Variants in SLC22A4 observed in about 807,000 individuals in gnomAD.
The protein encoded by SLC22A4 is solute carrier family 22 member 4, also known as ET transporter.
SLC22A4 carries 39 observed loss-of-function variants against 56.6 expected under a neutral mutation model. The ratio of observed to expected loss-of-function variants is 0.69; its 90% CI spans 0.53 to 0.90. The LOEUF (loss-of-function observed/expected upper bound fraction) is 0.90. SLC22A4 is among the 40% of genes least tolerant of loss of function. SLC22A4 has a pLI of 0.00. For missense variants in SLC22A4, 594 were observed against 696.5 expected (o/e 0.85, Z 1.66); for synonymous variants, 241 against 281.4 (o/e 0.86, Z 1.44).
intron 3 of SLC22A4, among the ~76,000 whole-genome samples, chr5:132,315,778 G>A (rs1376379073): frequency 1.3e-5 from 2 of 152,224 alleles, no homozygotes; most frequent in African/African-American, 4.8e-5. Flanking sequence ...CTGTTATAGG[G>A]TGCTCTGGGA....
intron 1 of SLC22A4, among the ~76,000 whole-genome samples, chr5:132,307,921 G>C (rs149519257): frequency 7.2e-5 from 11 of 152,284 alleles, no homozygotes; most frequent in African/African-American, 2.6e-4. Context: ...TCAAGGCTGA[G>C]GGTGATTTTC....
At chr5:132,309,225 C>T (rs1242944800) in intron 1 of SLC22A4, among the ~76,000 whole-genome samples, 1 of 152,242 alleles carries the variant, frequency 6.6e-6, no homozygotes, top group Non-Finnish European at 1.5e-5. Context: ...ATCTGCCAAT[C>T]CTGTGTCCTA....
intron 5 of SLC22A4, among the ~76,000 whole-genome samples, chr5:132,329,519 G>A (rs768333317): frequency 1.3e-5 from 2 of 151,464 alleles, no homozygotes; most frequent in South Asian, 4.2e-4. Flanking sequence ...GCGAAGTTAA[G>A]TAACTTGCCC....
Position 132,313,753 on chromosome 5 carries a change from G to A in SLC22A4, c.637G>A (p.Val213Ile). Residue 213 changes from valine to isoleucine, a missense_variant, in exon 3 of 10, where the codon GTA becomes ATA. Transcript: ENST00000200652. ...VGMGQISNYV[V>I]AFILGTEILG... Reference sequence around the variant, plus strand: ...CATGGGCCAGATCTCCAACTATGTGGTAGCCTTCATACTAGGTAGGAATGG... The same window carrying A: ...CATGGGCCAGATCTCCAACTATGTGATAGCCTTCATACTAGGTAGGAATGG... 1.2e-6 allele frequency: 2 copies of A among 1,614,212 alleles called. No homozygotes were observed. Among genetic ancestry groups the A allele is most frequent in the South Asian group, 1.1e-5 (1 of 91,090 alleles).
chr5:132,334,933 G>A lies in SLC22A4; in HGVS notation c.1261+1G>A. On this transcript the variant is annotated splice_donor_variant, in intron 7 of 9. Transcript: ENST00000200652. LOFTEE classifies it high-confidence loss of function. ...CTCTTCATTCAACTGGTACCTGTGGGTAAGAAGTTAACCAAGATGAACAGC... is the reference window on the plus strand; with the variant it reads ...CTCTTCATTCAACTGGTACCTGTGGATAAGAAGTTAACCAAGATGAACAGC... 6.2e-7 allele frequency: 1 copy of A among 1,605,464 alleles called. No homozygotes were observed.
intron 5 of SLC22A4, among the ~76,000 whole-genome samples, chr5:132,328,926 TATATACAC>T (rs1479462146): frequency 2.3e-4 from 5 of 22,124 alleles, no homozygotes; most frequent in East Asian, 1.4e-3. Context: ...TATATATATA[TATATACAC>T]ACACACACTT....
intron 8 of SLC22A4, among the ~76,000 whole-genome samples, chr5:132,337,565 C>T (rs933438147): frequency 2.8e-5 from 3 of 105,982 alleles, no homozygotes; most frequent in Non-Finnish European, 4.1e-5. Flanking sequence ...GTTTGAGCCA[C>T]AGCACCTGGC....
intron 1 of SLC22A4, among the ~76,000 whole-genome samples, chr5:132,302,451 G>T (rs998959817): frequency 6.6e-6 from 1 of 152,102 alleles, no homozygotes; most frequent in East Asian, 1.9e-4. Flanking sequence ...CTGTGTTGTG[G>T]TTTTATGCAT....
At chr5:132,334,630 A>G in intron 6 of SLC22A4, 88 bp from the exon 7 acceptor site, 1 of 905,048 alleles carries the variant, frequency 1.1e-6, no homozygotes, top group South Asian at 1.3e-5. Context: ...TACTTATAAG[A>G]CAGCAAGATA....
At chr5:132,333,394 A>G (rs1201854213) in intron 6 of SLC22A4, among the ~76,000 whole-genome samples, 2 of 152,242 alleles carry the variant, frequency 1.3e-5, no homozygotes, top group Admixed American at 1.3e-4. Flanking sequence ...AGGCACTTCT[A>G]AAAGGCAGGG....
At chr5:132,319,131 G>A (rs780701021) in intron 3 of SLC22A4, among the ~76,000 whole-genome samples, 18 of 151,850 alleles carry the variant, frequency 1.2e-4, no homozygotes, top group African/African-American at 3.6e-4. Flanking sequence ...GCAAAACCCC[G>A]TCTCTACTAA....
intron 1 of SLC22A4, chr5:132,295,260 G>A (rs151142571): frequency 1.4e-6 from 1 of 705,700 alleles, no homozygotes; most frequent in Admixed American, 2.0e-5. Context: ...TTTCATTTCC[G>A]ATTTTCACAA....
rs1242123286 is a variant in SLC22A4 at position 132,294,599 on chromosome 5, G to C, written c.-18G>C. 1 of 1,614,120 alleles carries C rather than the reference G, an allele frequency of 6.2e-7. No homozygotes were observed. Among genetic ancestry groups the C allele is most frequent in the Non-Finnish European group, 8.5e-7 (1 of 1,180,032 alleles). The stretch of plus-strand genomic sequence containing the variant: ...GTCATCACCCGTAGTTGCAAGTTTC[G>C]GAGCGGCAGTGGGAAGCATGCGGGA... On this transcript the variant is annotated 5_prime_UTR_variant, in exon 1 of 10. Transcript: ENST00000200652. This position sits in a 1 kb window ranked among gnomAD's most constrained non-coding sequence, Gnocchi z 5.6.
At chr5:132,322,073 T>C (rs1750557155) in intron 3 of SLC22A4, 111 bp from the exon 4 acceptor site, 1 of 1,024,914 alleles carries the variant, frequency 9.8e-7, no homozygotes, top group Non-Finnish European at 1.5e-6. Flanking sequence ...GGCAAATGCC[T>C]TTCCCCTTTT....
intron 8 of SLC22A4, among the ~76,000 whole-genome samples, chr5:132,340,061 TTG>T (rs1352554978): frequency 8.8e-6 from 1 of 113,090 alleles, no homozygotes; most frequent in African/African-American, 3.9e-5. Flanking sequence ...TAATACTTAG[TTG>T]TTTTTTTTTT....
Position 132,335,991 on chromosome 5 carries a change from G to C in SLC22A4, c.1435G>C (p.Val479Leu). The C allele has an allele frequency of 6.2e-7, 1 of 1,613,940 alleles. No homozygotes were observed. Among genetic ancestry groups the C allele is most frequent in the Non-Finnish European group, 8.5e-7 (1 of 1,179,816 alleles). ...GGGCAGCATCATTGCCCCCTACTTT[G>C]TTTACCTCGGTGAGCTGCATCTTGT... ...RVGSIIAPYFVYLGAYNRMLP... is the reference protein window; with the variant it reads ...RVGSIIAPYFLYLGAYNRMLP... The change falls in exon 8 of 10, where the codon GTT becomes CTT. Residue 479 changes from valine (V) to leucine (L), a missense_variant. Transcript: ENST00000200652.
chr5:132,334,417 T>C (rs138178082), intron 6 of SLC22A4, among the ~76,000 whole-genome samples: 96 of 152,302 alleles, frequency 6.3e-4, no homozygotes, highest in African/African-American at 2.2e-3. Flanking sequence ...TTGTTGAATA[T>C]TGGTATATCT....
intron 1 of SLC22A4, 147 bp from the exon 2 acceptor site, chr5:132,312,014 A>G: frequency 1.3e-6 from 1 of 747,192 alleles, no homozygotes; most frequent in South Asian, 1.4e-5. Flanking sequence ...CAGGGCTGCA[A>G]GGCCTATGCC....
chr5:132,340,783 A>C (rs1053704894), intron 9 of SLC22A4, 83 bp downstream of exon 9: 2 of 1,331,216 alleles, frequency 1.5e-6, no homozygotes, highest in Non-Finnish European at 2.2e-6. Flanking sequence ...GTTCTGAAAT[A>C]GAAGAGTAAT....
Sources: allele counts gnomAD v4.1 joint callset (sites outside exome capture counted in the v4.1 genomes callset), GRCh38; gene constraint gnomAD v4.1.1; non-coding constraint Gnocchi (gnomAD v3.1); transcripts MANE v1.5; gene names NCBI Gene and HGNC (gene_info 2026-07-23, HGNC 2026-07-21).